The following CD109 variants were observed in gnomAD, a reference collection of about 807,000 sequenced individuals.
CD109 encodes CD109 molecule, also known as CD109 antigen.
In CD109, 149 loss-of-function variants were observed where a neutral mutation model predicts 165.8. That is an observed-to-expected ratio of 0.90 (90% CI 0.79 to 1.03). The LOEUF is 1.03. Among genes scored for constraint, CD109 ranks in the 50% least tolerant of loss-of-function variants. CD109 has a pLI of 0.00. For missense variants in CD109, 1,712 were observed against 1,677.8 expected (o/e 1.02, Z -0.36); for synonymous variants, 585 against 592.1 (o/e 0.99, Z 0.18).
At chr6:73,704,560 G>A (rs754302580) in intron 2 of CD109, among the ~76,000 whole-genome samples, 32 of 152,198 alleles carry the variant, frequency 2.1e-4, no homozygotes, top group Non-Finnish European at 4.0e-4. Context: ...CACTGGATGA[G>A]TCACTGTCCT....
intron 2 of CD109, among the ~76,000 whole-genome samples, chr6:73,715,634 ATTG>A (rs1490731630): frequency 6.6e-6 from 1 of 151,696 alleles, no homozygotes. Context: ...TTAATTTTTA[ATTG>A]TTGTGGATAC....
intron 5 of CD109, among the ~76,000 whole-genome samples, chr6:73,738,926 C>A (rs1397511721): frequency 4.6e-5 from 7 of 152,186 alleles, no homozygotes; most frequent in African/African-American, 1.2e-4. Flanking sequence ...TCCAGACATT[C>A]CCATAGTACT....
chr6:73,745,540 C>T (rs973322017), intron 5 of CD109, among the ~76,000 whole-genome samples: 3 of 152,132 alleles, frequency 2.0e-5, no homozygotes, highest in Admixed American at 6.5e-5. Context: ...CTTGTTTGCA[C>T]GTTGGATTGT....
intron 11 of CD109, 93 bp from the exon 12 acceptor site, chr6:73,766,666 A>G: frequency 9.4e-6 from 8 of 851,946 alleles, no homozygotes; most frequent in Non-Finnish European, 1.5e-5. Flanking sequence ...AGTGAAGATG[A>G]ATTTGGTCTT....
upstream of CD109, chr6:73,694,259 A>AT (rs1770747903): frequency 3.3e-5 from 5 of 152,204 alleles, no homozygotes; most frequent in East Asian, 9.7e-4. Flanking sequence ...CTTTTAACAC[A>AT]TTTTTATTGA....
chr6:73,818,529 A>G lies in CD109; in HGVS notation c.4053A>G (p.Leu1351=), dbSNP rs1423481845. The change falls in exon 31 of 33, where the codon TTA becomes TTG. Residue 1351 remains leucine, a synonymous_variant. Transcript: ENST00000287097. ...EYDHGKLNLY[L]DSVNETQFCV... ...ATCATGGAAAACTCAACCTCTATTT[A>G]GATTCTGTAAGTAGTAAAACATAAG... 6.2e-7 allele frequency: 1 copy of G among 1,612,696 alleles called. No individual in the cohort carries two copies. The highest frequency in any genetic ancestry group is 1.7e-5 in the Admixed American group (1 of 59,712).
intron 6 of CD109, among the ~76,000 whole-genome samples, chr6:73,758,080 C>T (rs924098143): frequency 2.0e-5 from 3 of 151,862 alleles, no homozygotes; most frequent in South Asian, 2.1e-4. Context: ...AGTTGACTCA[C>T]GTGACTTTTT....
chr6:73,771,003 C>G (rs998140718), intron 14 of CD109, among the ~76,000 whole-genome samples: 4 of 152,088 alleles, frequency 2.6e-5, no homozygotes, highest in African/African-American at 9.7e-5. Flanking sequence ...TATGAGTCCC[C>G]GAGGAGCTCT....
At chr6:73,723,052 T>C (rs1772018315) in intron 2 of CD109, 199 bp from the exon 3 acceptor site, 2 of 861,736 alleles carry the variant, frequency 2.3e-6, no homozygotes, top group South Asian at 5.3e-5. Flanking sequence ...CTTTTAATCC[T>C]GATTTTTAAT....
rs1302281242 is a variant in CD109, at chr6:73,827,763, T to G, written c.*4130T>G. 6.6e-6 allele frequency: 1 copy of G among 152,224 alleles called. No homozygotes were observed. Among genetic ancestry groups the G allele is most frequent in the African/African-American group, 2.4e-5 (1 of 41,468 alleles). The allele number at this position is 152,224 out of a possible 1,614,324, so 9.4% of individuals were successfully genotyped here. On this transcript the variant is annotated 3_prime_UTR_variant, in exon 33 of 33. Transcript: ENST00000287097. Reference sequence around the variant, plus strand: ...GTTGTAACATAGGAAAATAGATATTTCCTAGATGATTTCTGAGTTTCTTAC... The same window carrying G: ...GTTGTAACATAGGAAAATAGATATTGCCTAGATGATTTCTGAGTTTCTTAC...
At chr6:73,765,003 C>T (rs539887018) in intron 10 of CD109, among the ~76,000 whole-genome samples, 104 of 151,990 alleles carry the variant, frequency 6.8e-4, no homozygotes, top group Admixed American at 1.1e-3. Context: ...AAACCATGGG[C>T]GTTCAGAGGG....
At chr6:73,807,955 A>G (rs1260498810) in intron 25 of CD109, 128 bp from the exon 26 acceptor site, 2 of 694,726 alleles carry the variant, frequency 2.9e-6, no homozygotes, top group South Asian at 4.0e-5. Flanking sequence ...TTCATTGCCT[A>G]GTACAAGGTC....
At chr6:73,794,258 T>A (rs1775075371) in intron 23 of CD109, among the ~76,000 whole-genome samples, 1 of 152,216 alleles carries the variant, frequency 6.6e-6, no homozygotes, top group Non-Finnish European at 1.5e-5. Flanking sequence ...TTACCCATGG[T>A]GGTCTGGTTC....
At chr6:73,796,755 C>T (rs150858078) in intron 23 of CD109, among the ~76,000 whole-genome samples, 2 of 152,262 alleles carry the variant, frequency 1.3e-5, no homozygotes, top group African/African-American at 4.8e-5. Context: ...GCATGATGAT[C>T]TCTGGGCACT....
chr6:73,807,792 A>C (rs75525141), intron 25 of CD109, among the ~76,000 whole-genome samples: 39 of 152,184 alleles, frequency 2.6e-4, no homozygotes, highest in Non-Finnish European at 1.0e-4. Flanking sequence ...TGCTGTTCTT[A>C]TCTGAGTCTG....
Position 73,807,078 on chromosome 6 carries a change from T to C in CD109, c.3189+6T>C, listed in dbSNP as rs1562081581. ...TGGGATATAGAAAGTATCAGGTATT[T>C]CGTATTTAATTTAATAAATGATAGA... On this transcript the variant is annotated splice_donor_region_variant and intron_variant, in intron 25 of 32. Transcript: ENST00000287097. The C allele has an allele frequency of 5.6e-6, 9 of 1,595,414 alleles. No individual in the cohort carries two copies. The highest frequency in any genetic ancestry group is 1.7e-5 in the Admixed American group (1 of 59,860).
intron 4 of CD109, among the ~76,000 whole-genome samples, chr6:73,735,083 A>G (rs967012758): frequency 6.6e-6 from 1 of 152,192 alleles, no homozygotes; most frequent in African/African-American, 2.4e-5. Flanking sequence ...GCAGAGACCT[A>G]CATGCATGGG....
intron 13 of CD109, 81 bp from the exon 14 acceptor site, chr6:73,767,974 A>G (rs1393570119): frequency 9.2e-6 from 11 of 1,195,926 alleles, no homozygotes; most frequent in South Asian, 6.6e-5. Context: ...GTGTGTATGC[A>G]TACAATTATG....
intron 3 of CD109, among the ~76,000 whole-genome samples, chr6:73,723,797 G>A (rs533629420): frequency 6.6e-6 from 1 of 152,190 alleles, no homozygotes; most frequent in South Asian, 2.1e-4. Context: ...TGGGTTCTAG[G>A]TTTAGCAACT....
Sources: gnomAD v4.1 joint callset for allele counts (sites outside exome capture counted in the v4.1 genomes callset) on GRCh38, gnomAD v4.1.1 for gene constraint, MANE v1.5 for transcripts, NCBI Gene and HGNC (gene_info 2026-07-23, HGNC 2026-07-21) for gene names.